The following USP35 variants were observed in gnomAD, a reference collection of about 807,000 sequenced individuals.
The protein encoded by USP35 is ubiquitin specific peptidase 35, also known as ubiquitin carboxyl-terminal hydrolase 35.
Under a neutral mutation model 83.8 loss-of-function variants are expected in USP35, and 69 were observed. The observed-to-expected ratio is 0.82, with a 90% CI of 0.68 to 1.01. The LOEUF is 1.01. Among genes scored for constraint, USP35 ranks in the 50% least tolerant of loss-of-function variants. The pLI, the probability that USP35 is intolerant of heterozygous loss-of-function variation, is 0.00. For synonymous variants in USP35, 714 were observed against 589.5 expected, an observed-to-expected ratio of 1.21 and a Z score of -3.06; for missense variants, 1,503 against 1,362.5, an observed-to-expected ratio of 1.10 and a Z score of -1.62.
chr11:78,204,809 C>G (rs1381988543), intron 6 of USP35, among the ~76,000 whole-genome samples: 2 of 152,208 alleles, frequency 1.3e-5, no homozygotes, highest in Non-Finnish European at 2.9e-5. Context: ...ACTGACTGCT[C>G]TGATAAATTA....
the USP35 span, chr11:78,223,341 T>A: frequency 7.7e-7 from 1 of 1,297,246 alleles, no homozygotes; most frequent in Non-Finnish European, 1.0e-6. Context: ...AGGATCCACA[T>A]GACCCCTAAG....
intron 3 of USP35, among the ~76,000 whole-genome samples, chr11:78,198,396 A>G (rs549996616): frequency 2.6e-5 from 4 of 152,224 alleles, no homozygotes; most frequent in African/African-American, 9.6e-5. Flanking sequence ...GGGTTGGGTA[A>G]GAGGGTGAGA....
chr11:78,230,348 A>C, the USP35 span, among the ~76,000 whole-genome samples: 1 of 152,146 alleles, frequency 6.6e-6, no homozygotes, highest in African/African-American at 2.4e-5. Flanking sequence ...TCTAAACTTC[A>C]GCCCTGGTCT....
intron 9 of USP35, 23 bp from the exon 10 acceptor site, chr11:78,209,425 T>C (rs1863648166): frequency 6.4e-7 from 1 of 1,567,846 alleles, no homozygotes; most frequent in Non-Finnish European, 8.7e-7. Context: ...GTACATGTAG[T>C]GACTCTGTGC....
At chr11:78,222,583 C>A in the USP35 span, among the ~76,000 whole-genome samples, 2 of 149,580 alleles carry the variant, frequency 1.3e-5, no homozygotes, top group South Asian at 4.2e-4. Flanking sequence ...TATATTAACA[C>A]ACATATATGT....
At chr11:78,207,730 C>A in intron 8 of USP35, 107 bp downstream of exon 8, 1 of 1,158,992 alleles carries the variant, frequency 8.6e-7, no homozygotes, top group Non-Finnish European at 1.2e-6. Context: ...CTGTCATCTC[C>A]CATGTCAGTT....
At chr11:78,222,772 G>A in the USP35 span, among the ~76,000 whole-genome samples, 31 of 152,118 alleles carry the variant, frequency 2.0e-4, no homozygotes, top group East Asian at 5.0e-3. Context: ...TAGTAGAGAC[G>A]GGGTTTCACT....
intron 3 of USP35, chr11:78,198,621 C>G (rs1251295927): frequency 1.0e-6 from 1 of 985,466 alleles, no homozygotes; most frequent in Non-Finnish European, 1.2e-6. Context: ...TGGCATGCCT[C>G]CCTCTGCCAT....
Position 78,210,552 on chromosome 11 carries a change from C to A in USP35, c.2697C>A (p.Ser899=), listed in dbSNP as rs377018213. ...QWYLFNDTRV[S]FSSFESVSNV... ...ACCTGTTCAATGACACTCGGGTGTCCTTCTCTTCCTTCGAATCTGTCAGCA... is the reference window on the plus strand; with the variant it reads ...ACCTGTTCAATGACACTCGGGTGTCATTCTCTTCCTTCGAATCTGTCAGCA... Residue 899 remains serine (S), a synonymous_variant, in exon 10 of 11, where the codon TCC becomes TCA. Coordinates refer to ENST00000529308, the MANE Select transcript of USP35 (RefSeq NM_020798.4). The A allele has an allele frequency of 1.2e-6, 2 of 1,612,840 alleles. No individual in the cohort carries two copies. Among genetic ancestry groups the A allele is most frequent in the Non-Finnish European group, 1.7e-6 (2 of 1,179,006 alleles).
intron 10 of USP35, among the ~76,000 whole-genome samples, chr11:78,213,131 A>ACAGC (rs1863863436): frequency 6.6e-6 from 1 of 152,218 alleles, no homozygotes; most frequent in South Asian, 2.1e-4. Context: ...CCCCAAGGAC[A>ACAGC]CAGCCTATGT....
the USP35 span, among the ~76,000 whole-genome samples, chr11:78,231,157 C>T: frequency 6.6e-6 from 1 of 152,172 alleles, no homozygotes; most frequent in Non-Finnish European, 1.5e-5. Context: ...GGAAGATACT[C>T]AAACACAAGC....
intron 1 of USP35, among the ~76,000 whole-genome samples, chr11:78,191,351 GTGCTGGTGT>G (rs1045396073): frequency 1.1e-4 from 16 of 152,256 alleles, no homozygotes; most frequent in African/African-American, 3.6e-4. Flanking sequence ...GCCTTGGAGT[GTGCTGGTGT>G]TGCTGGGACG....
In USP35 at chr11:78,196,195, C is replaced by T. The variant is rs1376863547; in HGVS notation, c.-10-41C>T. ...GACTGCACCGGGAACTCTTGAGCCC[C>T]GCGGTTGTCGGGCTGTGACCTCATT... On this transcript the variant is annotated intron_variant, in intron 1 of 10. Coordinates refer to ENST00000529308, the MANE Select transcript of USP35 (RefSeq NM_020798.4). The surrounding 1 kb of genome is among the most constrained non-coding windows in gnomAD (Gnocchi z 4.8). The T allele has an allele frequency of 5.9e-6, 9 of 1,537,080 alleles. No homozygotes were observed. The highest frequency in any genetic ancestry group is 7.8e-6 in the Non-Finnish European group (9 of 1,152,228).
chr11:78,211,654 C>A (rs530027334), intron 10 of USP35, among the ~76,000 whole-genome samples: 2 of 152,164 alleles, frequency 1.3e-5, no homozygotes. Flanking sequence ...TTCTGGCTTG[C>A]GTGAGATGGT....
At chr11:78,216,122 G>A (rs1385869479), downstream of USP35, 1 of 152,662 alleles carries the variant, frequency 6.6e-6, no homozygotes, top group Non-Finnish European at 1.5e-5. Context: ...AGCTGTGGAT[G>A]GGACCTCAGC....
At position 78,210,054 on chromosome 11, in the gene USP35, A is replaced by C. The variant is rs201997726; in HGVS notation, c.2199A>C (p.Glu733Asp). Residue 733 changes from glutamate (E) to aspartate (D), a missense_variant, in exon 10 of 11, where the codon GAA becomes GAC. Glu to Asp is a conservative substitution (Grantham distance 45). Transcript: ENST00000529308. ...TEKEAEQEKE[E>D]DSLGAGTHPD... ...AGGAGGCTGAGCAGGAAAAGGAAGA[A>C]GACAGCCTGGGAGCGGGGACCCACC... The C allele has an allele frequency of 2.1e-4, 345 of 1,613,794 alleles. No homozygotes were observed. In the African/African-American group the frequency reaches 3.9e-3, roughly 18 times the overall value.
intron 1 of USP35, among the ~76,000 whole-genome samples, chr11:78,193,406 T>C (rs549622560): frequency 6.7e-6 from 1 of 149,786 alleles, no homozygotes; most frequent in South Asian, 2.1e-4. Context: ...GGTTTTGCCA[T>C]GTTGCCCAGG....
rs139571348 is a variant in USP35 at position 78,208,777 on chromosome 11, C to A, written c.1486-80C>A. The A allele has an allele frequency of 2.7e-6, 4 of 1,468,050 alleles. No homozygotes were observed. In the African/African-American group the frequency reaches 4.2e-5, roughly 15 times the overall value. The allele number at this position is 1,468,050 out of a possible 1,614,324, so 90.9% of individuals were successfully genotyped here. ...TTTGAGGCCGAGGGAATGAGGTAGACCCTCAGGCCTAACCTGTGCAGAGCT... is the reference window on the plus strand; with the variant it reads ...TTTGAGGCCGAGGGAATGAGGTAGAACCTCAGGCCTAACCTGTGCAGAGCT... On this transcript the variant is annotated intron_variant, in intron 8 of 10. Transcript: ENST00000529308.
chr11:78,223,364 G>A, the USP35 span: 2 of 1,432,946 alleles, frequency 1.4e-6, no homozygotes, highest in South Asian at 3.1e-5. Flanking sequence ...AATGGAAAGA[G>A]TCCCTAGCCA....
Sources: gnomAD v4.1 joint callset for allele counts (sites outside exome capture counted in the v4.1 genomes callset) on GRCh38, gnomAD v4.1.1 for gene constraint, Gnocchi (gnomAD v3.1) non-coding constraint, MANE v1.5 for transcripts, NCBI Gene and HGNC (gene_info 2026-07-23, HGNC 2026-07-21) for gene names.